The following BAG1 variants were observed in gnomAD, a reference collection of about 807,000 sequenced individuals.
The protein encoded by BAG1 is BAG cochaperone 1.
Under a neutral mutation model 35.5 loss-of-function variants are expected in BAG1, and 35 were observed. The ratio of observed to expected loss-of-function variants is 0.99; its 90% CI spans 0.75 to 1.31. The LOEUF (loss-of-function observed/expected upper bound fraction) is 1.31. Among genes scored for constraint, BAG1 ranks in the 50% most tolerant of loss-of-function variants. The probability of loss-of-function intolerance (pLI) is 0.00; values close to 1 mark genes in which losing one functional copy is unlikely to be tolerated. For synonymous variants in BAG1, 191 were observed against 178.9 expected (o/e 1.07, Z -0.54); for missense variants, 464 against 453.6 (o/e 1.02, Z -0.21).
At chr9:33,264,073 AGAC>A (rs1820644241) in intron 1 of BAG1, 148 bp downstream of exon 1, 2 of 927,418 alleles carry the variant, frequency 2.2e-6, no homozygotes, top group Admixed American at 2.9e-5. Context: ...CCGGGACAAA[AGAC>A]AGTTCCACGG....
In BAG1 at chr9:33,253,607, C is replaced by G. The variant is rs706115; in HGVS notation, c.*1612G>C. ...CTACCTCTACTACCTTGTCTGAGGTCTTAACCTGCCCAGTCCTGAATTCCT... is the reference window on the plus strand; with the variant it reads ...CTACCTCTACTACCTTGTCTGAGGTGTTAACCTGCCCAGTCCTGAATTCCT... On this transcript the variant is annotated 3_prime_UTR_variant, in exon 7 of 7. Transcript: ENST00000634734. 0.19 allele frequency: 29,403 copies of G among 151,874 alleles called. 3,093 individuals carry two copies. The highest frequency in any genetic ancestry group is 0.26 in the African/African-American group (10,626 of 41,426). 9.4% of individuals were successfully genotyped at this position (151,874 alleles called of 1,614,324 possible).
At chr9:33,258,770 A>G in intron 4 of BAG1, 150 bp downstream of exon 4, 2 of 596,728 alleles carry the variant, frequency 3.4e-6, no homozygotes, top group Non-Finnish European at 5.9e-6. Flanking sequence ...GGAACTTGAG[A>G]CAAAGATAAA....
At chr9:33,261,965 C>T (rs1820580250) in intron 2 of BAG1, 1 of 1,185,644 alleles carries the variant, frequency 8.4e-7, no homozygotes, top group Non-Finnish European at 1.1e-6. Flanking sequence ...AGTATCTCCA[C>T]CCTCACGGAG....
intron 2 of BAG1, 77 bp from the exon 3 acceptor site, chr9:33,261,246 A>C: frequency 8.9e-7 from 1 of 1,120,378 alleles, no homozygotes; most frequent in Non-Finnish European, 1.3e-6. Flanking sequence ...GATACAGGAA[A>C]TAGACAAGTG....
chr9:33,256,036 A>G, intron 5 of BAG1, 109 bp from the exon 6 acceptor site: 1 of 993,162 alleles, frequency 1.0e-6, no homozygotes, highest in South Asian at 1.3e-5. Context: ...CAGTACACAA[A>G]ACAGGTCACA....
At chr9:33,258,613 T>C (rs1195041269) in intron 4 of BAG1, among the ~76,000 whole-genome samples, 1 of 152,220 alleles carries the variant, frequency 6.6e-6, no homozygotes, top group Non-Finnish European at 1.5e-5. Flanking sequence ...CCTGTGAGCA[T>C]AAATGGATGC....
At chr9:33,262,069 G>A (rs1820583158) in intron 2 of BAG1, 2 of 1,259,888 alleles carry the variant, frequency 1.6e-6, no homozygotes, top group African/African-American at 1.5e-5. Context: ...ATAGCAGGGA[G>A]TACCATGGTA....
chr9:33,261,294 T>C (rs1820565695), intron 2 of BAG1, 125 bp from the exon 3 acceptor site: 1 of 598,752 alleles, frequency 1.7e-6, no homozygotes, highest in Non-Finnish European at 2.8e-6. Flanking sequence ...TTAGAGGGTG[T>C]CATGACCCAG....
intron 5 of BAG1, 150 bp from the exon 6 acceptor site, chr9:33,256,077 C>T: frequency 4.2e-6 from 3 of 721,516 alleles, no homozygotes; most frequent in Non-Finnish European, 7.1e-6. Context: ...TATCCATTTT[C>T]AGGAACCCTT....
intron 6 of BAG1, 148 bp from the exon 7 acceptor site, chr9:33,255,456 T>G: frequency 7.4e-7 from 1 of 1,346,388 alleles, no homozygotes; most frequent in Non-Finnish European, 1.0e-6. Context: ...CTGGCCTGGG[T>G]TCCAAGGTAA....
At chr9:33,256,023 C>G (rs1406314975) in intron 5 of BAG1, 96 bp from the exon 6 acceptor site, 2 of 1,134,184 alleles carry the variant, frequency 1.8e-6, no homozygotes, top group Non-Finnish European at 2.6e-6. Flanking sequence ...TAAGAAACAC[C>G]CACAGTACAC....
Position 33,256,901 on chromosome 9 carries a change from A to G in BAG1, c.785T>C (p.Leu262Pro), listed in dbSNP as rs753542393. 1.7e-5 allele frequency: 28 copies of G among 1,613,950 alleles called. No homozygotes were observed. The highest frequency in any genetic ancestry group is 2.3e-5 in the Non-Finnish European group (27 of 1,179,924). ...AGCTTCAGCTTGCAAATCCTTGGGC[A>G]GAAAACCCTGCGGGGAAATAATGCA... Residue 262 changes from leucine to proline, a missense_variant, in exon 5 of 7, where the codon CTG becomes CCG. Physicochemically the swap from Leu to Pro is moderately conservative, Grantham distance 98. Coordinates refer to ENST00000634734, the MANE Select transcript of BAG1 (RefSeq NM_004323.6).
chr9:33,256,223 A>G (rs748853696), intron 5 of BAG1, among the ~76,000 whole-genome samples: 2 of 152,084 alleles, frequency 1.3e-5, no homozygotes, highest in Non-Finnish European at 2.9e-5. Flanking sequence ...ATGTATGGAT[A>G]CTCTGCCCTG....
Position 33,255,312 on chromosome 9 carries a change from G to A in BAG1, c.949-4C>T. On this transcript the variant is annotated splice_polypyrimidine_tract_variant and splice_region_variant and intron_variant, in intron 6 of 6. Transcript: ENST00000634734. ...TGTCACACTCGGCTAGGAATGCCTA[G>A]AAAATACACACGGGGCAGTAAGGGC... 6.2e-7 allele frequency: 1 copy of A among 1,614,220 alleles called. No homozygotes were observed. Among genetic ancestry groups the A allele is most frequent in the East Asian group, 2.2e-5 (1 of 44,890 alleles).
rs201710549 is a variant in BAG1, at chr9:33,262,712, G to T, written c.570C>A (p.Leu190=). 10 of 1,591,252 alleles carry T rather than the reference G, an allele frequency of 6.3e-6. No individual in the cohort carries two copies. The highest frequency in any genetic ancestry group is 8.5e-6 in the Non-Finnish European group (10 of 1,173,166). Residue 190 remains leucine, a synonymous_variant, in exon 2 of 7, where the codon CTC becomes CTA. Coordinates refer to ENST00000634734, the MANE Select transcript of BAG1 (RefSeq NM_004323.6). Reference sequence around the variant, plus strand: ...AAAAGAAATGCTTACCCTTAAATATGAGTTTCTGAAAAGACTGTGGAACCC... The same window carrying T: ...AAAAGAAATGCTTACCCTTAAATATTAGTTTCTGAAAAGACTGTGGAACCC...
At position 33,264,655 on chromosome 9, in the gene BAG1, G is replaced by GC. The variant is rs1292940756; in HGVS notation, c.19dup (p.Ala7GlyfsTer51). On this transcript the variant is annotated frameshift_variant, in exon 1 of 7. Transcript: ENST00000634734. LOFTEE classifies it high-confidence loss of function. ...CTCCCGGTCGCCTCGCGGTCTCCGC[G>GC]CCCCCCCGCGCTGAGCCAGGCCCGC... 1.1e-4 allele frequency: 146 copies of GC among 1,341,670 alleles called. No individual in the cohort carries two copies. Among genetic ancestry groups the GC allele is most frequent in the Non-Finnish European group, 1.2e-4 (131 of 1,054,958 alleles). 83.1% of individuals were successfully genotyped at this position (1,341,670 alleles called of 1,614,324 possible).
Position 33,255,153 on chromosome 9 carries a change from C to A in BAG1, c.*66G>T. The A allele has an allele frequency of 6.2e-7, 1 of 1,613,978 alleles. No homozygotes were observed. The highest frequency in any genetic ancestry group is 8.5e-7 in the Non-Finnish European group (1 of 1,179,922). On this transcript the variant is annotated 3_prime_UTR_variant, in exon 7 of 7. Coordinates refer to ENST00000634734, the MANE Select transcript of BAG1 (RefSeq NM_004323.6). ...AGCCCTGAAGAAATCAGGTAAATTC[C>A]GCTCCAGAGACGGCAGAGCTGGTGG...
At chr9:33,256,112 C>T (rs2117933005) in intron 5 of BAG1, among the ~76,000 whole-genome samples, 185 bp from the exon 6 acceptor site, 1 of 152,310 alleles carries the variant, frequency 6.6e-6, no homozygotes, top group East Asian at 1.9e-4. Flanking sequence ...TCCTGTATGG[C>T]CTTTCCATGG....
chr9:33,256,802 AGTGT>A lies in BAG1; in HGVS notation c.880_883del (p.Thr294Ter), dbSNP rs769913302. On this transcript the variant is annotated frameshift_variant and splice_region_variant, in exon 5 of 7. Coordinates refer to ENST00000634734, the MANE Select transcript of BAG1 (RefSeq NM_004323.6). LOFTEE classifies it high-confidence loss of function. The stretch of plus-strand genomic sequence containing the variant: ...CTTCTCAGCTGAATATTTACTTACC[AGTGT>A]GTCAATCTCCTCCAAGATCTTCATA... 2.5e-6 allele frequency: 4 copies of A among 1,610,402 alleles called. No individual in the cohort carries two copies. Among genetic ancestry groups the A allele is most frequent in the Non-Finnish European group, 3.4e-6 (4 of 1,176,886 alleles).
Sources: gnomAD v4.1 joint callset for allele counts (sites outside exome capture counted in the v4.1 genomes callset) on GRCh38, gnomAD v4.1.1 for gene constraint, MANE v1.5 for transcripts, NCBI Gene and HGNC (gene_info 2026-07-23, HGNC 2026-07-21) for gene names.